The following IL12B variants were observed in gnomAD, a reference collection of about 807,000 sequenced individuals.
IL12B encodes the protein interleukin-12 subunit beta.
Under a neutral mutation model 39.2 loss-of-function variants are expected in IL12B, and 27 were observed. The observed-to-expected ratio is 0.69, with a 90% CI of 0.51 to 0.95. The LOEUF (loss-of-function observed/expected upper bound fraction) is 0.95, where lower values mean the gene tolerates loss of function less well. Among genes scored for constraint, IL12B ranks in the 40% least tolerant of loss-of-function variants. IL12B has a pLI of 0.00. For missense variants in IL12B, 351 were observed against 397.6 expected, an observed-to-expected ratio of 0.88 and a Z score of 1.00; for synonymous variants, 142 against 152.1, an observed-to-expected ratio of 0.93 and a Z score of 0.49.
intron 1 of IL12B, among the ~76,000 whole-genome samples, chr5:159,327,512 T>C (rs954675893): frequency 1.3e-5 from 2 of 152,178 alleles, no homozygotes; most frequent in Admixed American, 1.3e-4. Context: ...CTCTCCCATA[T>C]AGAGAACCTA....
intron 2 of IL12B, among the ~76,000 whole-genome samples, chr5:159,326,430 G>T (rs558277700): frequency 2.1e-4 from 32 of 152,302 alleles, no homozygotes; most frequent in African/African-American, 7.2e-4. Context: ...AATATCATAT[G>T]TCATATGTCT....
At chr5:159,322,143 G>T (rs1470332261) in intron 4 of IL12B, among the ~76,000 whole-genome samples, 1 of 152,054 alleles carries the variant, frequency 6.6e-6, no homozygotes, top group Non-Finnish European at 1.5e-5. Context: ...TGGATGAGTG[G>T]GTTCAAACAC....
rs1754069032 is a variant in IL12B, at chr5:159,320,511, G to T, written c.492C>A (p.Asp164Glu). The change falls in exon 5 of 8, where the codon GAC becomes GAA. Residue 164 changes from aspartate to glutamate, a missense_variant. Physicochemically the swap from Asp to Glu is conservative, Grantham distance 45 (BLOSUM62 2). Coordinates refer to ENST00000231228, the MANE Select transcript of IL12B (RefSeq NM_002187.3). ...CAGCTCCGCACGTCACCCCTTGGGG[G>T]TCAGAAGAGCTGAAGTCAAAGACAG... Reference protein sequence around the residue: ...FSVKSSRGSSDPQGVTCGAAT... With the variant: ...FSVKSSRGSSEPQGVTCGAAT... 1 of 1,613,782 alleles carries T rather than the reference G, an allele frequency of 6.2e-7. No individual in the cohort carries two copies. Among genetic ancestry groups the T allele is most frequent in the African/African-American group, 1.3e-5 (1 of 74,904 alleles).
chr5:159,322,981 T>G, intron 3 of IL12B, 73 bp downstream of exon 3: 12 of 1,425,288 alleles, frequency 8.4e-6, no homozygotes, highest in South Asian at 1.2e-5. Context: ...GGCTTTTCAA[T>G]TTGTTGTTGT....
intron 4 of IL12B, among the ~76,000 whole-genome samples, chr5:159,320,792 A>T (rs1000885309): frequency 2.0e-5 from 3 of 152,196 alleles, no homozygotes; most frequent in African/African-American, 7.2e-5. Flanking sequence ...CTTGTTAAAA[A>T]CTTAAATTCA....
chr5:159,324,141 T>A (rs1397443103), intron 2 of IL12B, among the ~76,000 whole-genome samples: 1 of 152,104 alleles, frequency 6.6e-6, no homozygotes, highest in Admixed American at 6.6e-5. Context: ...TACACTCTTA[T>A]GAAGCAGTCC....
intron 6 of IL12B, among the ~76,000 whole-genome samples, 171 bp downstream of exon 6, chr5:159,318,565 A>G (rs1023811307): frequency 6.6e-6 from 1 of 152,206 alleles, no homozygotes; most frequent in African/African-American, 2.4e-5. Context: ...TGGGTACACC[A>G]TATATGTTTG....
rs1390154251 is a variant in IL12B, at chr5:159,316,680, C to T, written c.*5G>A. On this transcript the variant is annotated splice_donor_5th_base_variant and intron_variant, in intron 7 of 7. Coordinates refer to ENST00000231228, the MANE Select transcript of IL12B (RefSeq NM_002187.3). ...GCCTGGGCTGGCCTTTGAGGGCCTG[C>T]TCACCTAACTGCAGGGCACAGATGC... 8 of 1,611,216 alleles carry T rather than the reference C, an allele frequency of 5.0e-6. No individual in the cohort carries two copies. The highest frequency in any genetic ancestry group is 6.8e-6 in the Non-Finnish European group (8 of 1,178,966).
intron 5 of IL12B, among the ~76,000 whole-genome samples, chr5:159,319,746 AG>A (rs1754055836): frequency 6.6e-6 from 1 of 152,186 alleles, no homozygotes. Flanking sequence ...ACCCTCCATA[AG>A]TTTTGAAGCA....
At chr5:159,326,612 C>T in intron 2 of IL12B, 83 bp downstream of exon 2, 2 of 943,090 alleles carry the variant, frequency 2.1e-6, no homozygotes, top group Non-Finnish European at 1.8e-6. Flanking sequence ...TTGCCCATTT[C>T]AGTTTGATTT....
At chr5:159,327,798 A>G (rs1450555632) in intron 1 of IL12B, among the ~76,000 whole-genome samples, 2 of 152,200 alleles carry the variant, frequency 1.3e-5, no homozygotes, top group Non-Finnish European at 2.9e-5. Context: ...TGAAATAGTA[A>G]AATGCATAAT....
chr5:159,322,774 A>G (rs905067273), intron 3 of IL12B, among the ~76,000 whole-genome samples: 5 of 152,220 alleles, frequency 3.3e-5, no homozygotes, highest in Non-Finnish European at 7.3e-5. Context: ...GTTAATTTCC[A>G]TTAGCCATTA....
At chr5:159,323,468 G>T in intron 2 of IL12B, 139 bp from the exon 3 acceptor site, 2 of 811,138 alleles carry the variant, frequency 2.5e-6, no homozygotes, top group Non-Finnish European at 4.1e-6. Flanking sequence ...TTGCTGAGAT[G>T]ATCTCAAGGC....
intron 2 of IL12B, among the ~76,000 whole-genome samples, chr5:159,323,986 G>T (rs1754146924): frequency 6.6e-6 from 1 of 151,522 alleles, no homozygotes; most frequent in Non-Finnish European, 1.5e-5. Flanking sequence ...CTTATAGACT[G>T]AGGAGTCAGC....
chr5:159,321,364 TATAC>T (rs145785650), intron 4 of IL12B, among the ~76,000 whole-genome samples: 36,355 of 146,778 alleles, frequency 0.25, 4,694 homozygotes, highest in East Asian at 0.42. Flanking sequence ...TATATATATA[TATAC>T]ACACACACAC....
chr5:159,325,596 G>A (rs952069953), intron 2 of IL12B: 1 of 152,136 alleles, frequency 6.6e-6, no homozygotes, highest in Non-Finnish European at 1.5e-5. Flanking sequence ...ACAAATTTAA[G>A]TGCACCAGCT....
chr5:159,322,230 C>T (rs998811268), intron 4 of IL12B, among the ~76,000 whole-genome samples, 164 bp downstream of exon 4: 1 of 152,174 alleles, frequency 6.6e-6, no homozygotes, highest in Non-Finnish European at 1.5e-5. Flanking sequence ...CTAAAATCTC[C>T]ATGTTCTTTC....
At chr5:159,319,767 GTTCTATTACAC>G (rs1754056077) in intron 5 of IL12B, among the ~76,000 whole-genome samples, 1 of 152,122 alleles carries the variant, frequency 6.6e-6, no homozygotes, top group South Asian at 2.1e-4. Context: ...AAGTTCTCTG[GTTCTATTACAC>G]TTTATCATGC....
In IL12B at chr5:159,327,666, A is replaced by G. The variant is rs1439888888; in HGVS notation, c.1-884T>C. 1.3e-5 allele frequency among the ~76,000 whole-genome samples: 2 copies of G among 152,190 alleles called. 1 individual carries two copies. Among genetic ancestry groups the G allele is most frequent in the Non-Finnish European group, 2.9e-5 (2 of 68,030 alleles). On this transcript the variant is annotated intron_variant, in intron 1 of 7. Coordinates refer to ENST00000231228, the MANE Select transcript of IL12B (RefSeq NM_002187.3). Reference sequence around the variant, plus strand: ...TCTAGAAAGTTTCCAGGGGAAGCAGATGCTGCTGGCGCTAAGACCACACCT... The same window carrying G: ...TCTAGAAAGTTTCCAGGGGAAGCAGGTGCTGCTGGCGCTAAGACCACACCT...
Sources: gnomAD v4.1 joint callset for allele counts (sites outside exome capture counted in the v4.1 genomes callset) on GRCh38, gnomAD v4.1.1 for gene constraint, MANE v1.5 for transcripts, NCBI Gene and HGNC (gene_info 2026-07-23, HGNC 2026-07-21) for gene names.